Variants in C12orf42 observed in about 807,000 individuals in gnomAD.
C12orf42 encodes the protein uncharacterized protein C12orf42.
Under a neutral mutation model 21.6 loss-of-function variants are expected in C12orf42, and 25 were observed. The ratio of observed to expected loss-of-function variants is 1.16; its 90% CI spans 0.84 to 1.62. The LOEUF is 1.62. Ranked by LOEUF, C12orf42 falls within the 40% of genes most tolerant of loss-of-function variation. The pLI is 0.00. For missense variants in C12orf42, 483 were observed against 459.3 expected, an observed-to-expected ratio of 1.05 and a Z score of -0.47; for synonymous variants, 174 against 175.0, an observed-to-expected ratio of 0.99 and a Z score of 0.05.
the C12orf42 span, among the ~76,000 whole-genome samples, chr12:103,502,563 A>C: frequency 3.3e-5 from 5 of 152,188 alleles, no homozygotes; most frequent in Middle Eastern, 3.4e-3. Flanking sequence ...CATAGAACCT[A>C]CACCTTGGTA....
chr12:103,437,427 A>G (rs1330615225), intron 2 of C12orf42, among the ~76,000 whole-genome samples: 1 of 151,818 alleles, frequency 6.6e-6, no homozygotes, highest in Non-Finnish European at 1.5e-5. Flanking sequence ...AAGGAAATAG[A>G]GACACAAAAA....
At chr12:103,184,841 A>G in the C12orf42 span, among the ~76,000 whole-genome samples, 1 of 151,730 alleles carries the variant, frequency 6.6e-6, no homozygotes, top group Non-Finnish European at 1.5e-5. Context: ...TCCTTAGCCT[A>G]ATATGACTAT....
the C12orf42 span, among the ~76,000 whole-genome samples, chr12:103,556,457 T>C: frequency 6.6e-6 from 1 of 152,218 alleles, no homozygotes; most frequent in Non-Finnish European, 1.5e-5. Context: ...TTCAGGAAGT[T>C]GGCTTTGAGT....
chr12:103,188,183 G>A, the C12orf42 span, among the ~76,000 whole-genome samples: 1 of 152,184 alleles, frequency 6.6e-6, no homozygotes, highest in Admixed American at 6.5e-5. Context: ...GAGAAAAAAG[G>A]AGACAATTCC....
chr12:103,425,028 G>A lies in C12orf42; in HGVS notation c.79-23353C>T, dbSNP rs999699659. Reference sequence around the variant, plus strand: ...GGGGTGTCCGTCATTACTGAGGCTTGAGTAGGTGGATTTCCCCTCACAGTG... The same window carrying A: ...GGGGTGTCCGTCATTACTGAGGCTTAAGTAGGTGGATTTCCCCTCACAGTG... On this transcript the variant is annotated intron_variant, in intron 2 of 5. Coordinates refer to ENST00000548883, the MANE Select transcript of C12orf42 (RefSeq NM_198521.5). Among the ~76,000 whole-genome samples, 4 of 152,192 alleles carry A rather than the reference G, an allele frequency of 2.6e-5. No homozygotes were observed. In the South Asian group the frequency reaches 6.2e-4, roughly 24 times the overall value.
chr12:103,259,868 C>T (rs2034803399), intron 10 of C12orf42, among the ~76,000 whole-genome samples: 2 of 152,122 alleles, frequency 1.3e-5, no homozygotes, highest in African/African-American at 2.4e-5. Flanking sequence ...TGGAAACAAC[C>T]ATATAGGCAG....
At chr12:103,056,567 C>T in the C12orf42 span, among the ~76,000 whole-genome samples, 2 of 152,126 alleles carry the variant, frequency 1.3e-5, no homozygotes, top group East Asian at 1.9e-4. Flanking sequence ...TTCCATGACT[C>T]TGAAGACATG....
At chr12:103,540,102 G>T in the C12orf42 span, among the ~76,000 whole-genome samples, 1 of 151,786 alleles carries the variant, frequency 6.6e-6, no homozygotes, top group African/African-American at 2.4e-5. Context: ...CTGCCTCCTG[G>T]GTTCAAGCGA....
the C12orf42 span, among the ~76,000 whole-genome samples, chr12:103,171,709 C>T: frequency 2.6e-5 from 4 of 152,118 alleles, no homozygotes; most frequent in African/African-American, 9.6e-5. Flanking sequence ...ACTAGGGGAA[C>T]GAAACAGGAG....
chr12:103,054,382 TTCA>T, the C12orf42 span, among the ~76,000 whole-genome samples: 1 of 151,928 alleles, frequency 6.6e-6, no homozygotes, highest in Non-Finnish European at 1.5e-5. Flanking sequence ...TTTCCACATA[TTCA>T]TTGCTAGCAT....
At chr12:103,142,689 G>A in the C12orf42 span, among the ~76,000 whole-genome samples, 1 of 152,142 alleles carries the variant, frequency 6.6e-6, no homozygotes, top group Non-Finnish European at 1.5e-5. Flanking sequence ...AATGCAGGGG[G>A]ATAGCAGTCA....
chr12:103,338,141 T>C (rs1772118684), intron 4 of C12orf42, among the ~76,000 whole-genome samples: 1 of 152,326 alleles, frequency 6.6e-6, no homozygotes. Context: ...CAGTTGAGTA[T>C]GGCCAGTGTA....
At chr12:103,088,974 C>T in the C12orf42 span, among the ~76,000 whole-genome samples, 113 of 151,992 alleles carry the variant, frequency 7.4e-4, no homozygotes, top group South Asian at 0.022. Flanking sequence ...GTGGTGGTGG[C>T]GCCTGTAGTC....
intron 2 of C12orf42, among the ~76,000 whole-genome samples, chr12:103,439,269 A>G (rs1046406661): frequency 6.6e-6 from 1 of 152,102 alleles, no homozygotes; most frequent in Non-Finnish European, 1.5e-5. Context: ...AAGATGGATT[A>G]AAGACTTAAA....
At chr12:103,206,590 CTTAA>C in the C12orf42 span, among the ~76,000 whole-genome samples, 1 of 151,862 alleles carries the variant, frequency 6.6e-6, no homozygotes, top group South Asian at 2.1e-4. Context: ...AACTAACAAA[CTTAA>C]TTAATTAATT....
At chr12:103,540,111 G>A in the C12orf42 span, among the ~76,000 whole-genome samples, 3 of 151,828 alleles carry the variant, frequency 2.0e-5, no homozygotes, top group East Asian at 1.9e-4. Context: ...GGGTTCAAGC[G>A]ATTCTCCTGC....
At chr12:103,552,706 TG>T in the C12orf42 span, among the ~76,000 whole-genome samples, 12 of 152,268 alleles carry the variant, frequency 7.9e-5, no homozygotes, top group Admixed American at 7.9e-4. Flanking sequence ...TTCTCAACCT[TG>T]GCACTATTGA....
At chr12:103,294,420 AG>A (rs1376711674) in intron 4 of C12orf42, among the ~76,000 whole-genome samples, 1,574 of 111,110 alleles carry the variant, frequency 0.014, 20 homozygotes, top group African/African-American at 0.038. Flanking sequence ...AAAGAGAGAA[AG>A]GAGAGAGAGA....
At chr12:103,084,830 T>A in the C12orf42 span, among the ~76,000 whole-genome samples, 12 of 152,240 alleles carry the variant, frequency 7.9e-5, no homozygotes, top group East Asian at 1.2e-3. Flanking sequence ...GTTTTATATT[T>A]TATATATATA....
Sources: gnomAD v4.1 joint callset for allele counts (sites outside exome capture counted in the v4.1 genomes callset) on GRCh38, gnomAD v4.1.1 for gene constraint, MANE v1.5 for transcripts, NCBI Gene and HGNC (gene_info 2026-07-23, HGNC 2026-07-21) for gene names.